Variants in PRRX2 observed in about 807,000 individuals in gnomAD.
PRRX2 encodes the protein paired mesoderm homeobox protein 2.
In PRRX2, 11 loss-of-function variants were observed where a neutral mutation model predicts 18.0. That is an observed-to-expected ratio of 0.61 (90% CI 0.39 to 1.01). The LOEUF is 1.01. PRRX2 is among the 50% of genes least tolerant of loss of function. The pLI, the probability that PRRX2 is intolerant of heterozygous loss-of-function variation, is 0.01. For synonymous variants in PRRX2, 177 were observed against 154.8 expected, an observed-to-expected ratio of 1.14 and a Z score of -1.06; for missense variants, 387 against 351.0, an observed-to-expected ratio of 1.10 and a Z score of -0.82.
chr9:129,677,646 G>T (rs1832176365), intron 1 of PRRX2, among the ~76,000 whole-genome samples: 1 of 152,234 alleles, frequency 6.6e-6, no homozygotes. Flanking sequence ...GATGGGGAGG[G>T]GGGTGACCAG....
At chr9:129,679,809 CA>C (rs1438388368) in intron 1 of PRRX2, among the ~76,000 whole-genome samples, 1 of 152,196 alleles carries the variant, frequency 6.6e-6, no homozygotes, top group East Asian at 1.9e-4. Context: ...GTGATGCAGA[CA>C]GAGAAATGTA....
At chr9:129,704,924 T>C (rs1011039679) in intron 1 of PRRX2, among the ~76,000 whole-genome samples, 1 of 152,282 alleles carries the variant, frequency 6.6e-6, no homozygotes, top group Middle Eastern at 3.4e-3. Context: ...CCTTGGGCCC[T>C]GAGCAGAAAA....
intron 1 of PRRX2, chr9:129,718,513 GA>G (rs1832743887): frequency 6.6e-6 from 1 of 152,318 alleles, no homozygotes; most frequent in Non-Finnish European, 1.5e-5. Context: ...CTCTGGAAAG[GA>G]AGGCTGCTCT....
intron 1 of PRRX2, among the ~76,000 whole-genome samples, chr9:129,690,630 C>T (rs1439732624): frequency 1.3e-5 from 2 of 151,840 alleles, no homozygotes; most frequent in Admixed American, 6.6e-5. Flanking sequence ...CCTCAGCCTC[C>T]TGAGTAGCTG....
At chr9:129,679,664 G>C (rs1432588179) in intron 1 of PRRX2, among the ~76,000 whole-genome samples, 1 of 152,192 alleles carries the variant, frequency 6.6e-6, no homozygotes, top group Non-Finnish European at 1.5e-5. Context: ...CTCCAGGCCT[G>C]GTTAGGAAGG....
rs748715547 is a variant in PRRX2 at position 129,719,386 on chromosome 9, C to T, written c.415C>T (p.Arg139Trp). The change falls in exon 2 of 4, where the codon CGG becomes TGG. Residue 139 changes from arginine to tryptophan, a missense_variant. Transcript: ENST00000372469. The part of the protein sequence containing the change: ...PDAFVREELA[R>W]RVNLSEARVQ... ...CGCCTTTGTGCGCGAGGAGCTTGCC[C>T]GGCGCGTCAACCTCAGCGAGGCGCG... The T allele has an allele frequency of 2.6e-6, 4 of 1,552,178 alleles. No individual in the cohort carries two copies. The highest frequency in any genetic ancestry group is 8.7e-7 in the Non-Finnish European group (1 of 1,149,430).
intron 1 of PRRX2, among the ~76,000 whole-genome samples, chr9:129,673,652 C>CCACACACACACACACACACACACA (rs3054761): frequency 7.4e-4 from 110 of 149,324 alleles, no homozygotes; most frequent in Non-Finnish European, 1.2e-3. Flanking sequence ...ACCCCCCATG[C>CCACACACACACACACACACACACA]CACACACACA....
chr9:129,702,362 C>T (rs1832508911), intron 1 of PRRX2, among the ~76,000 whole-genome samples: 1 of 151,382 alleles, frequency 6.6e-6, no homozygotes, highest in Non-Finnish European at 1.5e-5. Context: ...CGCGCTACTG[C>T]ACTCCAGCCT....
intron 1 of PRRX2, among the ~76,000 whole-genome samples, chr9:129,697,036 C>T (rs934301941): frequency 4.6e-5 from 7 of 152,242 alleles, no homozygotes; most frequent in African/African-American, 1.7e-4. Flanking sequence ...ACGGTAGCAG[C>T]AGTACCTGCC....
intron 1 of PRRX2, among the ~76,000 whole-genome samples, chr9:129,706,433 T>C (rs1293495332): frequency 2.6e-5 from 4 of 152,044 alleles, no homozygotes; most frequent in Non-Finnish European, 4.4e-5. Flanking sequence ...CGTGGTGGCA[T>C]GCGCCTGTAA....
intron 1 of PRRX2, among the ~76,000 whole-genome samples, chr9:129,680,451 T>TTC (rs1257000213): frequency 6.7e-6 from 1 of 150,360 alleles, no homozygotes; most frequent in Non-Finnish European, 1.5e-5. Context: ...ACAATTTGCT[T>TTC]TCTCTCTCTC....
At chr9:129,719,466 G>A (rs1832761918) in intron 2 of PRRX2, 48 bp downstream of exon 2, 5 of 1,440,572 alleles carry the variant, frequency 3.5e-6, no homozygotes, top group East Asian at 2.6e-5. Flanking sequence ...GCGTGGGAGC[G>A]CACAGCCACT....
At chr9:129,702,824 C>T (rs564376983) in intron 1 of PRRX2, among the ~76,000 whole-genome samples, 60 of 152,288 alleles carry the variant, frequency 3.9e-4, no homozygotes, top group Admixed American at 7.8e-4. Flanking sequence ...TTAAGAAATG[C>T]GGAAGATGTG....
At chr9:129,704,283 T>TCC (rs34615249) in intron 1 of PRRX2, among the ~76,000 whole-genome samples, 21,701 of 152,118 alleles carry the variant, frequency 0.14, 2,073 homozygotes, top group East Asian at 0.36. Context: ...GTTAAGCATG[T>TCC]CCTTGGGAGA....
At chr9:129,693,715 C>T (rs1039597008) in intron 1 of PRRX2, among the ~76,000 whole-genome samples, 2 of 152,106 alleles carry the variant, frequency 1.3e-5, no homozygotes, top group Non-Finnish European at 2.9e-5. Flanking sequence ...GAAATATGTC[C>T]AGAGAGGTTG....
In PRRX2 at chr9:129,709,841, A is replaced by T. The variant is rs1243521304; in HGVS notation, c.260-9390A>T. 6.6e-6 allele frequency among the ~76,000 whole-genome samples: 1 copy of T among 151,634 alleles called. No homozygotes were observed. Among genetic ancestry groups the T allele is most frequent in the African/African-American group, 2.4e-5 (1 of 41,262 alleles). Reference sequence around the variant, plus strand: ...CCATGGCTCCAGGGGAGGAACCTAGACCCCTGCACAGGAGGGCGGGCTCTG... The same window carrying T: ...CCATGGCTCCAGGGGAGGAACCTAGTCCCCTGCACAGGAGGGCGGGCTCTG... On this transcript the variant is annotated intron_variant, in intron 1 of 3. Coordinates refer to ENST00000372469, the MANE Select transcript of PRRX2 (RefSeq NM_016307.4). This position sits in a 1 kb window ranked among gnomAD's most constrained non-coding sequence, Gnocchi z 4.2.
chr9:129,705,447 C>G (rs974292337), intron 1 of PRRX2, among the ~76,000 whole-genome samples: 55 of 152,228 alleles, frequency 3.6e-4, no homozygotes, highest in Non-Finnish European at 7.2e-4. Flanking sequence ...CTCCGCCTCC[C>G]GGGTTCAAGC....
At chr9:129,697,985 C>T (rs1346400916) in intron 1 of PRRX2, among the ~76,000 whole-genome samples, 1 of 151,882 alleles carries the variant, frequency 6.6e-6, no homozygotes, top group Non-Finnish European at 1.5e-5. Context: ...CGCCGGGATT[C>T]GGAAGGGGGC....
Position 129,681,291 on chromosome 9 carries a change from G to A in PRRX2, c.259+15165G>A, listed in dbSNP as rs570019433. On this transcript the variant is annotated intron_variant, in intron 1 of 3. Transcript: ENST00000372469. ...TCCCAGCACTTTGGGAGGCTGAGGC[G>A]GGCGGATCACCTGAGGTCAGGTGTT... 3.0e-3 allele frequency among the ~76,000 whole-genome samples: 458 copies of A among 152,256 alleles called. 3 individuals are homozygous for A. The highest frequency in any genetic ancestry group is 0.01 in the African/African-American group (436 of 41,558).
Sources: allele counts gnomAD v4.1 joint callset (sites outside exome capture counted in the v4.1 genomes callset), GRCh38; gene constraint gnomAD v4.1.1; non-coding constraint Gnocchi (gnomAD v3.1); transcripts MANE v1.5; gene names NCBI Gene and HGNC (gene_info 2026-07-23, HGNC 2026-07-21).